The following PDE4D variants were observed in gnomAD, a reference collection of about 807,000 sequenced individuals.
PDE4D encodes phosphodiesterase 4D.
Under a neutral mutation model 87.4 loss-of-function variants are expected in PDE4D, and 24 were observed. That is an observed-to-expected ratio of 0.27 (90% CI 0.20 to 0.39). The LOEUF is 0.39. Among genes scored for constraint, PDE4D ranks in the 10% least tolerant of loss-of-function variants. PDE4D has a pLI of 1.00. For missense variants in PDE4D, 714 were observed against 1,041.0 expected (o/e 0.69, Z 4.32); for synonymous variants, 384 against 383.2 (o/e 1.00, Z -0.02).
intron 5 of PDE4D, among the ~76,000 whole-genome samples, chr5:59,053,372 C>T (rs1580538505): frequency 2.1e-5 from 2 of 93,134 alleles, no homozygotes; most frequent in African/African-American, 8.1e-5. Context: ...TACACACACA[C>T]ACACACACAC....
intron 1 of PDE4D, among the ~76,000 whole-genome samples, chr5:59,599,338 T>C (rs1486000686): frequency 4.6e-5 from 7 of 151,462 alleles, no homozygotes; most frequent in Non-Finnish European, 1.0e-4. Context: ...TCTGCTACCT[T>C]AGCCTCCCAA....
intron 1 of PDE4D, among the ~76,000 whole-genome samples, chr5:59,371,540 A>G (rs767424883): frequency 2.1e-4 from 32 of 152,180 alleles, no homozygotes; most frequent in Non-Finnish European, 2.6e-4. Context: ...TTTCATACTC[A>G]GTTAAGGTGG....
chr5:60,426,852 G>A (rs896430305), intron 1 of PDE4D, among the ~76,000 whole-genome samples: 5 of 152,108 alleles, frequency 3.3e-5, no homozygotes, highest in Non-Finnish European at 4.4e-5. Context: ...ATCTCAAGGA[G>A]TGAATAGAGG....
intron 1 of PDE4D, among the ~76,000 whole-genome samples, chr5:59,771,547 A>AAAGAAAGAAAGG: frequency 6.7e-6 from 1 of 149,514 alleles, no homozygotes; most frequent in Non-Finnish European, 1.5e-5. Context: ...AGAAAGAAAG[A>AAAGAAAGAAAGG]AAGAAAAGAA....
At chr5:59,094,157 G>A (rs546963032) in intron 5 of PDE4D, among the ~76,000 whole-genome samples, 38 of 133,772 alleles carry the variant, frequency 2.8e-4, no homozygotes, top group Admixed American at 2.8e-3. Context: ...GGCAGAGGTT[G>A]CAGTGAGCCA....
chr5:60,148,208 C>T (rs1781185912), intron 2 of PDE4D, among the ~76,000 whole-genome samples: 1 of 152,092 alleles, frequency 6.6e-6, no homozygotes, highest in Non-Finnish European at 1.5e-5. Flanking sequence ...AACATAGGTT[C>T]CTTTTAAGTC....
chr5:59,981,998 G>C (rs1021108451), intron 3 of PDE4D, among the ~76,000 whole-genome samples: 10 of 152,166 alleles, frequency 6.6e-5, no homozygotes, highest in African/African-American at 2.2e-4. Context: ...ACTGGCATCT[G>C]TGACCAGTCC....
intron 1 of PDE4D, among the ~76,000 whole-genome samples, chr5:60,257,921 G>T (rs117673849): frequency 6.6e-6 from 1 of 151,868 alleles, no homozygotes; most frequent in African/African-American, 2.4e-5. Context: ...GAGCTGTTGC[G>T]ACACTTAACA....
chr5:59,596,576 T>C (rs1826713964), intron 1 of PDE4D, among the ~76,000 whole-genome samples: 1 of 152,018 alleles, frequency 6.6e-6, no homozygotes, highest in Non-Finnish European at 1.5e-5. Flanking sequence ...TAATAAGGAC[T>C]CAGAGTCCTT....
At chr5:59,657,513 A>G (rs909253931) in intron 1 of PDE4D, among the ~76,000 whole-genome samples, 1 of 152,216 alleles carries the variant, frequency 6.6e-6, no homozygotes, top group Non-Finnish European at 1.5e-5. Flanking sequence ...GTCATCATTT[A>G]CTTTCTAAAA....
intron 1 of PDE4D, among the ~76,000 whole-genome samples, chr5:59,783,021 A>G (rs1298557489): frequency 6.6e-6 from 1 of 152,062 alleles, no homozygotes; most frequent in Non-Finnish European, 1.5e-5. Context: ...GTGAGTATGG[A>G]TGTGTTAATG....
At chr5:59,425,331 G>T (rs1490173617) in intron 1 of PDE4D, among the ~76,000 whole-genome samples, 3 of 152,060 alleles carry the variant, frequency 2.0e-5, no homozygotes, top group African/African-American at 7.2e-5. Flanking sequence ...TTCACATAAG[G>T]TTTTTTCCAC....
intron 1 of PDE4D, among the ~76,000 whole-genome samples, chr5:59,806,911 A>G (rs1157687364): frequency 1.3e-5 from 2 of 152,086 alleles, no homozygotes; most frequent in Admixed American, 6.5e-5. Flanking sequence ...TAAAATTTCT[A>G]TTTTCCTTTA....
intron 1 of PDE4D, among the ~76,000 whole-genome samples, chr5:59,418,929 T>G (rs1794063069): frequency 6.6e-6 from 1 of 152,176 alleles, no homozygotes; most frequent in Non-Finnish European, 1.5e-5. Flanking sequence ...GGATTATGGG[T>G]GTGAGTCACT....
At chr5:60,392,225 A>G (rs117502269) in intron 1 of PDE4D, among the ~76,000 whole-genome samples, 2 of 152,362 alleles carry the variant, frequency 1.3e-5, no homozygotes, top group East Asian at 3.9e-4. Context: ...TCCTCAAAAT[A>G]AAGTACCACA....
At chr5:60,088,689 A>G (rs1035549304) in intron 2 of PDE4D, among the ~76,000 whole-genome samples, 1 of 151,986 alleles carries the variant, frequency 6.6e-6, no homozygotes, top group African/African-American at 2.4e-5. Context: ...AGAAATCAAC[A>G]TGTCCTAATA....
chr5:60,317,349 T>G (rs1004605060), intron 1 of PDE4D, among the ~76,000 whole-genome samples: 28 of 152,234 alleles, frequency 1.8e-4, no homozygotes, highest in Non-Finnish European at 2.9e-4. Context: ...TTTATTATTT[T>G]TTATTGCATC....
At chr5:59,368,324 A>G (rs1386811784) in intron 1 of PDE4D, among the ~76,000 whole-genome samples, 1 of 152,184 alleles carries the variant, frequency 6.6e-6, no homozygotes, top group Non-Finnish European at 1.5e-5. Context: ...AAAATTGAAA[A>G]ATTGAAAATT....
chr5:60,131,533 C>A (rs1260153859), intron 2 of PDE4D, among the ~76,000 whole-genome samples: 1 of 152,176 alleles, frequency 6.6e-6, no homozygotes, highest in Non-Finnish European at 1.5e-5. Flanking sequence ...TATATTATTT[C>A]TCTTATAATC....
Sources: gnomAD v4.1 joint callset for allele counts (sites outside exome capture counted in the v4.1 genomes callset) on GRCh38, gnomAD v4.1.1 for gene constraint, MANE v1.5 for transcripts, NCBI Gene and HGNC (gene_info 2026-07-23, HGNC 2026-07-21) for gene names.